The following ZNF540 variants were observed in gnomAD, a reference collection of about 807,000 sequenced individuals.
The protein encoded by ZNF540 is CTD-3064H18.6.
Under a neutral mutation model 11.8 loss-of-function variants are expected in ZNF540, and 3 were observed. The observed-to-expected ratio is 0.25, with a 90% CI of 0.12 to 0.65. The LOEUF (loss-of-function observed/expected upper bound fraction) is 0.65, where lower values mean the gene tolerates loss of function less well. Ranked by LOEUF, ZNF540 falls within the 30% of genes least tolerant of loss-of-function variation. The probability of loss-of-function intolerance (pLI) is 0.83; values close to 1 mark genes in which losing one functional copy is unlikely to be tolerated. For synonymous variants in ZNF540, 247 were observed against 259.0 expected (o/e 0.95, Z 0.45); for missense variants, 709 against 793.1 (o/e 0.89, Z 1.27).
chr19:37,586,907 A>C, intron 1 of ZNF540: 1 of 558,396 alleles, frequency 1.8e-6, no homozygotes, highest in Non-Finnish European at 3.2e-6. Flanking sequence ...GTTCAGGCAG[A>C]CCTTTCCTTA....
chr19:37,557,915 G>A (rs562869227), intron 1 of ZNF540, among the ~76,000 whole-genome samples: 5 of 152,038 alleles, frequency 3.3e-5, no homozygotes, highest in Non-Finnish European at 1.5e-5. Flanking sequence ...AGACAACTTG[G>A]CCATCCAGAG....
At chr19:37,579,295 G>A (rs540754236) in intron 1 of ZNF540, among the ~76,000 whole-genome samples, 100 of 152,270 alleles carry the variant, frequency 6.6e-4, no homozygotes, top group Non-Finnish European at 1.2e-3. Flanking sequence ...AGGGGCCTGG[G>A]GGGAACTGGG....
intron 3 of ZNF540, 134 bp downstream of exon 3, chr19:37,599,886 G>A (rs2044025822): frequency 7.1e-6 from 7 of 982,104 alleles, no homozygotes; most frequent in Non-Finnish European, 8.7e-6. Context: ...ACTGAACTTT[G>A]ATGGTTTGTG....
At chr19:37,593,138 T>A (rs780859027), upstream of ZNF540, among the ~76,000 whole-genome samples, 2 of 152,100 alleles carry the variant, frequency 1.3e-5, no homozygotes, top group Non-Finnish European at 2.9e-5. Context: ...TTTTTTTTTA[T>A]GTTGGTATAA....
chr19:37,567,494 T>C (rs2042901313), intron 1 of ZNF540: 2 of 151,900 alleles, frequency 1.3e-5, no homozygotes, highest in Admixed American at 6.5e-5. Flanking sequence ...TTCTTAAATT[T>C]CTCCAATTTC....
intron 1 of ZNF540, among the ~76,000 whole-genome samples, chr19:37,577,034 G>T (rs1180599879): frequency 6.6e-6 from 1 of 152,012 alleles, no homozygotes; most frequent in African/African-American, 2.4e-5. Flanking sequence ...AAAACGTTAG[G>T]TCATGGTGCA....
intron 1 of ZNF540, chr19:37,563,981 T>C (rs1172061464): frequency 6.6e-6 from 1 of 152,220 alleles, no homozygotes; most frequent in Non-Finnish European, 1.5e-5. Flanking sequence ...TCTTTCACTT[T>C]CTTAAAAAAC....
chr19:37,554,779 T>C (rs1339440987), intron 1 of ZNF540: 1 of 152,268 alleles, frequency 6.6e-6, no homozygotes, highest in Non-Finnish European at 1.5e-5. Flanking sequence ...CGCCACACTT[T>C]GAGACGAATT....
intron 1 of ZNF540, among the ~76,000 whole-genome samples, chr19:37,572,539 AT>A (rs1488876512): frequency 6.6e-6 from 1 of 152,148 alleles, no homozygotes; most frequent in Non-Finnish European, 1.5e-5. Context: ...AAAACACATA[AT>A]ATATATGGCT....
At chr19:37,556,242 C>T (rs775640872) in intron 1 of ZNF540, 59 of 632,484 alleles carry the variant, frequency 9.3e-5, no homozygotes, top group Non-Finnish European at 1.4e-4. Context: ...TGCAAATACA[C>T]ATCCTGTTGT....
rs910509196 is a variant in ZNF540 at position 37,553,015 on chromosome 19, T to G, written c.-73+1350T>G. Among the ~76,000 whole-genome samples the G allele has an allele frequency of 7.9e-5, 12 of 151,668 alleles. No individual in the cohort carries two copies. The South Asian group carries it at 1.2e-3, about 16-fold the overall frequency. ...GGTATAGTGTTTGCATGGTGTTTTT[T>G]TTTTTTTTTTAACTTTTAACCTATT... On this transcript the variant is annotated intron_variant, in intron 1 of 4. Coordinates refer to the ZNF540 transcript ENST00000592533.
chr19:37,564,951 G>GATGATATGTAAGTTGT, intron 1 of ZNF540: 1 of 1,613,862 alleles, frequency 6.2e-7, no homozygotes, highest in Middle Eastern at 1.7e-4. Context: ...TGAATTCTTT[G>GATGATATGTAAGTTGT]ATGATATGTA....
intron 1 of ZNF540, chr19:37,575,683 G>A (rs899906887): frequency 2.6e-5 from 4 of 152,124 alleles, no homozygotes; most frequent in Non-Finnish European, 4.4e-5. Context: ...CATCTTGGTG[G>A]ACTAATGGCT....
At chr19:37,586,684 T>A (rs747278250) in intron 1 of ZNF540, 14 of 1,614,158 alleles carry the variant, frequency 8.7e-6, no homozygotes, top group Non-Finnish European at 1.2e-5. Flanking sequence ...CATGGTTTTT[T>A]AGAACTGATC....
rs1322117555 is a variant in ZNF540, at chr19:37,567,813, CATTT to C, written c.-73+16155_-73+16158del. On this transcript the variant is annotated intron_variant, in intron 1 of 4. Coordinates refer to the ZNF540 transcript ENST00000592533. The stretch of plus-strand genomic sequence containing the variant: ...TTGAATTTTTGCAATTCTAAAATTT[CATTT>C]ATTTATCTGTTGATCTTTCTGCTCC... The C allele has an allele frequency of 3.3e-5, 5 of 150,850 alleles. No homozygotes were observed. In the East Asian group the frequency reaches 7.7e-4, roughly 23 times the overall value. 9.3% of individuals were successfully genotyped at this position (150,850 alleles called of 1,614,324 possible).
At chr19:37,566,337 G>T in intron 1 of ZNF540, 1 of 1,541,048 alleles carries the variant, frequency 6.5e-7, no homozygotes. Flanking sequence ...TTTACAAGGA[G>T]AAATAAAAAT....
At chr19:37,602,077 G>A (rs1421656321) in intron 4 of ZNF540, among the ~76,000 whole-genome samples, 2 of 152,190 alleles carry the variant, frequency 1.3e-5, no homozygotes, top group Non-Finnish European at 2.9e-5. Context: ...TAGCAGTGAA[G>A]GTAGCTTGGA....
intron 4 of ZNF540, among the ~76,000 whole-genome samples, chr19:37,606,777 T>G (rs2044088811): frequency 6.6e-6 from 1 of 152,218 alleles, no homozygotes; most frequent in South Asian, 2.1e-4. Flanking sequence ...AAATATATTC[T>G]GAATATAAGC....
At chr19:37,607,025 T>C (rs1299970001) in intron 4 of ZNF540, among the ~76,000 whole-genome samples, 1 of 152,030 alleles carries the variant, frequency 6.6e-6, no homozygotes, top group East Asian at 1.9e-4. Context: ...TTTGTAAGAG[T>C]TCTTTATATA....
Sources: gnomAD v4.1 joint callset for allele counts (sites outside exome capture counted in the v4.1 genomes callset) on GRCh38, gnomAD v4.1.1 for gene constraint, MANE v1.5 for transcripts, NCBI Gene and HGNC (gene_info 2026-07-23, HGNC 2026-07-21) for gene names.